WARS2: variants seen among roughly 807,000 people sequenced by gnomAD.
WARS2 encodes the protein tryptophan--tRNA ligase, mitochondrial.
In WARS2, 28 loss-of-function variants were observed where a neutral mutation model predicts 36.5. The observed-to-expected ratio is 0.77, with a 90% CI of 0.57 to 1.05. The LOEUF is 1.05. Among genes scored for constraint, WARS2 ranks in the 50% least tolerant of loss-of-function variants. The pLI is 0.00. For synonymous variants in WARS2, 174 were observed against 178.4 expected (o/e 0.98, Z 0.20); for missense variants, 435 against 456.8 (o/e 0.95, Z 0.44).
chr1:119,094,373 CTTTT>C (rs140962739), intron 1 of WARS2, among the ~76,000 whole-genome samples: 2 of 151,758 alleles, frequency 1.3e-5, no homozygotes, highest in East Asian at 3.9e-4. Context: ...TCCAAAAGGA[CTTTT>C]TTTTCCCCCT....
intron 1 of WARS2, among the ~76,000 whole-genome samples, chr1:119,115,711 A>G (rs1406555903): frequency 1.3e-5 from 2 of 152,216 alleles, no homozygotes; most frequent in African/African-American, 2.4e-5. Context: ...TCAAAACTAA[A>G]CCATGAATGT....
At chr1:119,052,685 T>C (rs1015173545) in intron 2 of WARS2, among the ~76,000 whole-genome samples, 2 of 152,204 alleles carry the variant, frequency 1.3e-5, no homozygotes, top group African/African-American at 4.8e-5. Flanking sequence ...GTGTGTGTGT[T>C]TACCTGTAAC....
intron 1 of WARS2, among the ~76,000 whole-genome samples, chr1:119,098,850 C>T (rs765130684): frequency 3.5e-4 from 54 of 152,294 alleles, no homozygotes; most frequent in Non-Finnish European, 6.2e-4. Context: ...GATTCTCCTG[C>T]CTCAGCCTTC....
rs587678221 is a variant in WARS2, at chr1:119,109,793, C to G, written c.90+30762G>C. Among the ~76,000 whole-genome samples, 4 of 151,916 alleles carry G rather than the reference C, an allele frequency of 2.6e-5. No homozygotes were observed. In the South Asian group the frequency reaches 6.2e-4, roughly 24 times the overall value. On this transcript the variant is annotated intron_variant, in intron 1 of 5. Transcript: ENST00000235521. ...TCTTATTTTTGTCTTCCACACTTTT[C>G]TGCCTTTTTTTTGTTCTTATTTTTG...
chr1:119,080,528 G>A (rs1652104966), intron 1 of WARS2, among the ~76,000 whole-genome samples: 1 of 152,160 alleles, frequency 6.6e-6, no homozygotes, highest in African/African-American at 2.4e-5. Flanking sequence ...AGACCAACGA[G>A]AAGTGTTTTG....
chr1:119,052,012 A>C (rs1444399857), intron 2 of WARS2, among the ~76,000 whole-genome samples: 1 of 151,984 alleles, frequency 6.6e-6, no homozygotes, highest in Admixed American at 6.5e-5. Context: ...CACCTGCCTC[A>C]GCCTCCCAAA....
At chr1:119,128,577 C>T (rs1655853907) in intron 1 of WARS2, among the ~76,000 whole-genome samples, 1 of 141,558 alleles carries the variant, frequency 7.1e-6, no homozygotes. Flanking sequence ...CCACCACCCA[C>T]CCACTCCCAC....
chr1:119,076,236 C>T, intron 2 of WARS2, 114 bp downstream of exon 2: 1 of 1,315,178 alleles, frequency 7.6e-7, no homozygotes, highest in Non-Finnish European at 1.0e-6. Context: ...TTGAAAAAGT[C>T]ACCTTCAAAC....
intron 1 of WARS2, among the ~76,000 whole-genome samples, chr1:119,094,446 T>C (rs1571348836): frequency 6.6e-6 from 1 of 152,062 alleles, no homozygotes; most frequent in South Asian, 2.1e-4. Context: ...TTTTGAGATA[T>C]GTGTTTGTTT....
Position 119,098,563 on chromosome 1 carries a change from G to A in WARS2, c.91-21956C>T, listed in dbSNP as rs587741097. Among the ~76,000 whole-genome samples, 11 of 151,648 alleles carry A rather than the reference G, an allele frequency of 7.3e-5. No individual in the cohort carries two copies. In the South Asian group the frequency reaches 1.7e-3, roughly 23 times the overall value. ...AGCGATTCTCCTGCCTCAGCCTCCC[G>A]AGTCGCTAGCATTACAGGCGCCCGC... On this transcript the variant is annotated intron_variant, in intron 1 of 5. Coordinates refer to ENST00000235521, the MANE Select transcript of WARS2 (RefSeq NM_015836.4).
intron 4 of WARS2, among the ~76,000 whole-genome samples, chr1:119,036,026 G>A (rs975936299): frequency 2.0e-5 from 3 of 152,216 alleles, no homozygotes; most frequent in South Asian, 4.1e-4. Context: ...CCAACAAGGC[G>A]AAACCCGGTC....
rs747265849 is a variant in WARS2 at position 119,140,639 on chromosome 1, C to G, written c.6G>C (p.Ala2=). The change falls in exon 1 of 6, where the codon GCG becomes GCC. Residue 2 remains alanine (A), a synonymous_variant. Transcript: ENST00000235521. Reference sequence around the variant, plus strand: ...CACGCGCTTTCCGCATTGAGTGCAGCGCCATCTTGAGAAGGGCGGAGCCGT... The same window carrying G: ...CACGCGCTTTCCGCATTGAGTGCAGGGCCATCTTGAGAAGGGCGGAGCCGT... M[A]LHSMRKARER... 15 of 1,612,384 alleles carry G rather than the reference C, an allele frequency of 9.3e-6. No individual in the cohort carries two copies. Among genetic ancestry groups the G allele is most frequent in the Admixed American group, 1.7e-5 (1 of 59,868 alleles).
At chr1:119,082,211 T>G (rs1652250001) in intron 1 of WARS2, 1 of 952,262 alleles carries the variant, frequency 1.1e-6, no homozygotes, top group East Asian at 1.2e-4. Flanking sequence ...TAATATGTAT[T>G]GTTAGTTCAG....
Position 119,087,210 on chromosome 1 carries a change from A to C in WARS2, c.91-10603T>G, listed in dbSNP as rs193047360. Among the ~76,000 whole-genome samples, 26 of 152,252 alleles carry C rather than the reference A, an allele frequency of 1.7e-4. No individual in the cohort carries two copies. The East Asian group carries it at 3.9e-3, about 23-fold the overall frequency. The stretch of plus-strand genomic sequence containing the variant: ...GATATATTTTCCCGCCTAGAATATG[A>C]GCTCTTCTAGGGCAGGGACTATCTT... On this transcript the variant is annotated intron_variant, in intron 1 of 5. Transcript: ENST00000235521.
chr1:119,120,370 T>A, intron 1 of WARS2, among the ~76,000 whole-genome samples: 1 of 150,084 alleles, frequency 6.7e-6, no homozygotes, highest in South Asian at 2.1e-4. Flanking sequence ...CAAAAACTCT[T>A]AAAAAAAAAT....
chr1:119,140,453 C>G, intron 1 of WARS2, 102 bp downstream of exon 1: 3 of 1,111,028 alleles, frequency 2.7e-6, no homozygotes, highest in East Asian at 2.5e-5. Context: ...AAGGCATGTA[C>G]TTTCCCTAAG....
chr1:119,034,354 G>A, intron 4 of WARS2, 141 bp from the exon 5 acceptor site: 1 of 691,536 alleles, frequency 1.4e-6, no homozygotes. Flanking sequence ...GGAATGTTTA[G>A]ACCTAAGTCT....
intron 1 of WARS2, among the ~76,000 whole-genome samples, chr1:119,077,429 C>T (rs922802809): frequency 6.6e-6 from 1 of 152,032 alleles, no homozygotes; most frequent in Non-Finnish European, 1.5e-5. Flanking sequence ...AAATGAAGGC[C>T]TTAGCATTAG....
Position 119,137,962 on chromosome 1 carries a change from T to C in WARS2, c.90+2593A>G, listed in dbSNP as rs587637651. Among the ~76,000 whole-genome samples, 10 of 149,994 alleles carry C rather than the reference T, an allele frequency of 6.7e-5. No homozygotes were observed. The South Asian group carries it at 1.7e-3, about 25-fold the overall frequency. On this transcript the variant is annotated intron_variant, in intron 1 of 5. Coordinates refer to ENST00000235521, the MANE Select transcript of WARS2 (RefSeq NM_015836.4). ...ACAACTTAGGAATCACAACACTTTA[T>C]TAGTTAGAGTTTCTAACATAGCACT... is the stretch of plus-strand genomic sequence containing the variant.
Sources: gnomAD v4.1 joint callset for allele counts (sites outside exome capture counted in the v4.1 genomes callset) on GRCh38, gnomAD v4.1.1 for gene constraint, MANE v1.5 for transcripts, NCBI Gene and HGNC (gene_info 2026-07-23, HGNC 2026-07-21) for gene names.